The following SRP72 variants were observed in gnomAD, a reference collection of about 807,000 sequenced individuals.
SRP72 encodes signal recognition particle subunit SRP72.
A neutral mutation model predicts 96.3 loss-of-function variants in SRP72; 49 were observed. The observed-to-expected ratio is 0.51, with a 90% CI of 0.40 to 0.65. SRP72 has a LOEUF of 0.65. Ranked by LOEUF, SRP72 falls within the 30% of genes least tolerant of loss-of-function variation. The pLI is 0.00. For missense variants in SRP72, 736 were observed against 793.3 expected (o/e 0.93, Z 0.87); for synonymous variants, 267 against 275.2 (o/e 0.97, Z 0.30).
chr4:56,474,342 AGG>A lies in SRP72; in HGVS notation c.562_563del (p.Gly188ProfsTer15). ...LCYNTACALI[G>X]QGQLNQAMKI... ...GCTACAACACTGCATGTGCACTGAT[AGG>A]CCAAGGCCAGCTGAACCAGGCCATG... On this transcript the variant is annotated frameshift_variant, in exon 5 of 19. Transcript: ENST00000642900. LOFTEE classifies it high-confidence loss of function. 6.2e-7 allele frequency: 1 copy of A among 1,614,186 alleles called. No individual in the cohort carries two copies. Among genetic ancestry groups the A allele is most frequent in the Non-Finnish European group, 8.5e-7 (1 of 1,180,038 alleles).
chr4:56,484,870 A>C lies in SRP72; in HGVS notation c.1086+6A>C. The C allele has an allele frequency of 6.2e-7, 1 of 1,608,164 alleles. No individual in the cohort carries two copies. The highest frequency in any genetic ancestry group is 8.5e-7 in the Non-Finnish European group (1 of 1,178,850). On this transcript the variant is annotated splice_donor_region_variant and intron_variant, in intron 10 of 18. Coordinates refer to ENST00000642900, the MANE Select transcript of SRP72 (RefSeq NM_006947.4). ...AAGCAATAGAGCTGCTTCAGGTAAA[A>C]TAATTACTTGAATGAGGTGTCAGAC... is the stretch of plus-strand genomic sequence containing the variant.
chr4:56,469,269 C>T (rs976624760), intron 1 of SRP72, among the ~76,000 whole-genome samples: 2 of 152,152 alleles, frequency 1.3e-5, no homozygotes, highest in African/African-American at 2.4e-5. Context: ...TCATTTGCTT[C>T]CAAATTCTAC....
intron 11 of SRP72, 109 bp downstream of exon 11, chr4:56,486,506 T>C: frequency 1.3e-6 from 1 of 794,346 alleles, no homozygotes; most frequent in Non-Finnish European, 1.9e-6. Context: ...TAGTAAAGCA[T>C]AATAATTACT....
intron 3 of SRP72, 141 bp from the exon 4 acceptor site, chr4:56,473,913 A>G: frequency 1.3e-6 from 1 of 779,352 alleles, no homozygotes; most frequent in South Asian, 2.4e-5. Context: ...ACTATTTAAA[A>G]ATTATAAAAC....
chr4:56,477,022 G>A (rs556027003), intron 6 of SRP72: 1 of 235,186 alleles, frequency 4.3e-6, no homozygotes, highest in South Asian at 1.5e-4. Flanking sequence ...TATTTCTTAT[G>A]TAGTGACATA....
Position 56,489,556 on chromosome 4 carries a change from C to G in SRP72, c.1320+73C>G, listed in dbSNP as rs560207389. 1.4e-5 allele frequency: 12 copies of G among 874,210 alleles called. No homozygotes were observed. The South Asian group carries it at 1.8e-4, about 13-fold the overall frequency. The allele number at this position is 874,210 out of a possible 1,614,324, so 54.2% of individuals were successfully genotyped here. ...ATAAAGATGGAGTAGTGAAAAAATTCAGGCAAACAAGTATTACACGTCACT... is the reference window on the plus strand; with the variant it reads ...ATAAAGATGGAGTAGTGAAAAAATTGAGGCAAACAAGTATTACACGTCACT... On this transcript the variant is annotated intron_variant, in intron 13 of 18. Coordinates refer to ENST00000642900, the MANE Select transcript of SRP72 (RefSeq NM_006947.4).
intron 16 of SRP72, among the ~76,000 whole-genome samples, chr4:56,493,587 C>T (rs1405110229): frequency 6.6e-6 from 1 of 151,892 alleles, no homozygotes; most frequent in Non-Finnish European, 1.5e-5. Flanking sequence ...TGAGCCCTGA[C>T]ATGGTGGTGG....
rs536367776 is a variant in SRP72 at position 56,481,370 on chromosome 4, A to C, written c.826-1769A>C. 3.3e-5 allele frequency among the ~76,000 whole-genome samples: 5 copies of C among 152,316 alleles called. No homozygotes were observed. In the South Asian group the frequency reaches 1.0e-3, roughly 32 times the overall value. ...GCACAAAGTAGATACTCACATGCTC[A>C]GTTTGTGCTTCTCAGGATGCAATCA... is the stretch of plus-strand genomic sequence containing the variant. On this transcript the variant is annotated intron_variant, in intron 8 of 18. Transcript: ENST00000642900.
intron 10 of SRP72, among the ~76,000 whole-genome samples, chr4:56,485,473 A>T (rs1210124076): frequency 6.6e-6 from 1 of 151,394 alleles, no homozygotes; most frequent in South Asian, 2.1e-4. Context: ...TGAGTTTTGC[A>T]TCCAAGAATT....
At chr4:56,490,101 A>T (rs2110126798) in intron 13 of SRP72, among the ~76,000 whole-genome samples, 1 of 152,280 alleles carries the variant, frequency 6.6e-6, no homozygotes. Context: ...CACTAAATAG[A>T]TATAGGTTGT....
At chr4:56,478,717 T>C in intron 8 of SRP72, 68 bp downstream of exon 8, 6 of 1,485,994 alleles carry the variant, frequency 4.0e-6, no homozygotes, top group Non-Finnish European at 5.5e-6. Flanking sequence ...GTTTTAGTTT[T>C]GTTCTAGGAT....
rs562216345 is a variant in SRP72 at position 56,471,700 on chromosome 4, G to GT, written c.231-11dup. On this transcript the variant is annotated intron_variant, in intron 2 of 18. Coordinates refer to ENST00000642900, the MANE Select transcript of SRP72 (RefSeq NM_006947.4). ...CATTGTTAGATAATAATCAGATACT[G>GT]TTTTTTTTTCCTTCTTCAGTAACTC... 1.7e-3 allele frequency: 2,547 copies of GT among 1,532,000 alleles called. 2 individuals carry two copies. Among genetic ancestry groups the GT allele is most frequent in the South Asian group, 6.6e-3 (562 of 85,504 alleles). The allele number at this position is 1,532,000 out of a possible 1,614,324, so 94.9% of individuals were successfully genotyped here. A position where few individuals can be genotyped will look rare whatever the true frequency, so the allele number is the denominator to read the frequency against.
At chr4:56,479,519 CTTTT>C (rs750135655) in intron 8 of SRP72, among the ~76,000 whole-genome samples, 1 of 138,016 alleles carries the variant, frequency 7.2e-6, no homozygotes, top group Non-Finnish European at 1.6e-5. Context: ...TTCTTTCTTT[CTTTT>C]TTTTTTTTTT....
At chr4:56,473,176 A>G (rs1446073233) in intron 3 of SRP72, among the ~76,000 whole-genome samples, 1 of 152,130 alleles carries the variant, frequency 6.6e-6, no homozygotes, top group South Asian at 2.1e-4. Context: ...GCACTTTACT[A>G]ATTTCAAGAA....
intron 8 of SRP72, among the ~76,000 whole-genome samples, chr4:56,479,866 T>TA (rs1720411738): frequency 6.6e-6 from 1 of 152,224 alleles, no homozygotes; most frequent in Non-Finnish European, 1.5e-5. Context: ...TTTATCTTGA[T>TA]ATACCATGTG....
intron 12 of SRP72, among the ~76,000 whole-genome samples, 173 bp downstream of exon 12, chr4:56,488,186 G>C (rs1470540972): frequency 6.6e-6 from 1 of 152,026 alleles, no homozygotes; most frequent in Non-Finnish European, 1.5e-5. Flanking sequence ...CTCTGGTATT[G>C]GTTTCTTATT....
chr4:56,471,914 G>A, intron 3 of SRP72, 71 bp downstream of exon 3: 1 of 1,566,678 alleles, frequency 6.4e-7, no homozygotes, highest in South Asian at 1.2e-5. Flanking sequence ...CAAGGAGCAG[G>A]GTTGAGGAAA....
intron 16 of SRP72, among the ~76,000 whole-genome samples, chr4:56,492,618 C>G (rs377185050): frequency 6.6e-6 from 1 of 152,150 alleles, no homozygotes; most frequent in Admixed American, 6.5e-5. Context: ...TTCTTTCTAA[C>G]AAACTCTGCA....
intron 11 of SRP72, 137 bp from the exon 12 acceptor site, chr4:56,487,812 A>G: frequency 4.8e-6 from 3 of 627,528 alleles, no homozygotes; most frequent in East Asian, 3.1e-5. Context: ...CAAAGTTTAT[A>G]TGTTTAGCGA....
Sources: gnomAD v4.1 joint callset for allele counts (sites outside exome capture counted in the v4.1 genomes callset) on GRCh38, gnomAD v4.1.1 for gene constraint, MANE v1.5 for transcripts, NCBI Gene and HGNC (gene_info 2026-07-23, HGNC 2026-07-21) for gene names.